Variants in JAKMIP2 observed in about 807,000 individuals in gnomAD.
JAKMIP2 encodes janus kinase and microtubule interacting protein 2, also known as janus kinase and microtubule-interacting protein 2.
In JAKMIP2, 25 loss-of-function variants were observed where a neutral mutation model predicts 115.0. The observed-to-expected ratio is 0.22, with a 90% CI of 0.16 to 0.30. The LOEUF (loss-of-function observed/expected upper bound fraction) is 0.30, where lower values mean the gene tolerates loss of function less well. Among genes scored for constraint, JAKMIP2 ranks in the 10% least tolerant of loss-of-function variants. The pLI is 1.00. For missense variants in JAKMIP2, 642 were observed against 957.6 expected (o/e 0.67, Z 4.35); for synonymous variants, 334 against 343.6 (o/e 0.97, Z 0.31).
Position 147,690,418 on chromosome 5 carries a change from T to C in JAKMIP2, c.-148-18464A>G, listed in dbSNP as rs144168137. 2.2e-4 allele frequency among the ~76,000 whole-genome samples: 33 copies of C among 151,526 alleles called. No individual in the cohort carries two copies. The East Asian group carries it at 6.4e-3, about 29-fold the overall frequency. ...GTCTATAAATTACTATGCAATAGTT[T>C]AAAAACACATAGGAAGATCTACATG... On this transcript the variant is annotated intron_variant, in intron 1 of 21. Transcript: ENST00000616793.
chr5:147,765,859 T>G (rs1175586299), intron 1 of JAKMIP2, among the ~76,000 whole-genome samples: 1 of 152,178 alleles, frequency 6.6e-6, no homozygotes, highest in African/African-American at 2.4e-5. Context: ...ATCTACATTT[T>G]CATTGAATAT....
chr5:147,614,067 G>A (rs938489940), intron 19 of JAKMIP2, among the ~76,000 whole-genome samples: 2 of 152,156 alleles, frequency 1.3e-5, no homozygotes, highest in Non-Finnish European at 2.9e-5. Flanking sequence ...TGCTGGATAT[G>A]GAGGCAAGTA....
At chr5:147,770,927 A>G (rs1268356151) in intron 1 of JAKMIP2, among the ~76,000 whole-genome samples, 1 of 152,090 alleles carries the variant, frequency 6.6e-6, no homozygotes, top group Non-Finnish European at 1.5e-5. Context: ...TAAACACAAA[A>G]TCTCTGAATG....
intron 1 of JAKMIP2, among the ~76,000 whole-genome samples, chr5:147,685,308 G>T (rs1288576965): frequency 6.6e-6 from 1 of 152,152 alleles, no homozygotes; most frequent in Non-Finnish European, 1.5e-5. Flanking sequence ...AAGAATGTAG[G>T]TAACATCAAT....
chr5:147,639,928 A>C (rs996292202), intron 9 of JAKMIP2, among the ~76,000 whole-genome samples, 168 bp from the exon 10 acceptor site: 5 of 152,336 alleles, frequency 3.3e-5, no homozygotes, highest in African/African-American at 1.2e-4. Flanking sequence ...CAAATACTGT[A>C]ATACTTTCAA....
At chr5:147,620,363 C>A (rs1057161745) in intron 18 of JAKMIP2, among the ~76,000 whole-genome samples, 6 of 152,120 alleles carry the variant, frequency 3.9e-5, no homozygotes, top group Non-Finnish European at 7.4e-5. Flanking sequence ...GATCTGCCCA[C>A]CTTGGTTTCC....
At chr5:147,663,691 G>C (rs1353163818) in intron 2 of JAKMIP2, among the ~76,000 whole-genome samples, 1 of 152,160 alleles carries the variant, frequency 6.6e-6, no homozygotes, top group Non-Finnish European at 1.5e-5. Flanking sequence ...TTCTAAGTTT[G>C]CATAGTATTT....
At chr5:147,638,295 T>A (rs902355418) in intron 10 of JAKMIP2, among the ~76,000 whole-genome samples, 2 of 152,180 alleles carry the variant, frequency 1.3e-5, no homozygotes, top group Middle Eastern at 3.4e-3. Flanking sequence ...AAACCTTTAT[T>A]TAGGTAGAAG....
chr5:147,719,951 CT>C (rs762489491), intron 1 of JAKMIP2, among the ~76,000 whole-genome samples: 3 of 152,090 alleles, frequency 2.0e-5, no homozygotes, highest in Non-Finnish European at 4.4e-5. Context: ...TCTTGATGGT[CT>C]TTACATTTTG....
At chr5:147,752,186 G>A (rs17498180) in intron 1 of JAKMIP2, among the ~76,000 whole-genome samples, 16,962 of 152,118 alleles carry the variant, frequency 0.11, 1,170 homozygotes, top group Middle Eastern at 0.19. Flanking sequence ...TGGGGAAGGC[G>A]AATTCCAGGC....
At chr5:147,764,958 G>C (rs796604695) in intron 1 of JAKMIP2, among the ~76,000 whole-genome samples, 1 of 74,458 alleles carries the variant, frequency 1.3e-5, no homozygotes. Context: ...GAGAGAGAGA[G>C]AGAGAGAGGG....
At chr5:147,596,822 G>A (rs1165597458) in intron 21 of JAKMIP2, among the ~76,000 whole-genome samples, 1 of 152,124 alleles carries the variant, frequency 6.6e-6, no homozygotes, top group African/African-American at 2.4e-5. Context: ...ATTCATCTTA[G>A]ACTTTCCTTA....
intron 1 of JAKMIP2, among the ~76,000 whole-genome samples, chr5:147,677,327 A>G (rs572732569): frequency 3.3e-5 from 5 of 152,366 alleles, no homozygotes; most frequent in East Asian, 1.9e-4. Context: ...CGCTGTCTTC[A>G]AGATGCTTAA....
chr5:147,694,970 G>A (rs1198294709), intron 1 of JAKMIP2, among the ~76,000 whole-genome samples: 2 of 152,092 alleles, frequency 1.3e-5, no homozygotes, highest in Admixed American at 1.3e-4. Context: ...TAACTTGGAG[G>A]CACAGGATAA....
At position 147,589,694 on chromosome 5, in the gene JAKMIP2, T is replaced by G. The variant is rs1395458987; in HGVS notation, c.*2013A>C. 2.0e-5 allele frequency: 3 copies of G among 152,216 alleles called. No homozygotes were observed. The highest frequency in any genetic ancestry group is 7.2e-5 in the African/African-American group (3 of 41,466). The allele number at this position is 152,216 out of a possible 1,614,324, so 9.4% of individuals were successfully genotyped here. On this transcript the variant is annotated 3_prime_UTR_variant, in exon 22 of 22. Transcript: ENST00000616793. ...ATAGAAATGACACACTCTTCTATCT[T>G]GTTCAATAGCATGAGATGATCTATT... is the stretch of plus-strand genomic sequence containing the variant.
intron 2 of JAKMIP2, among the ~76,000 whole-genome samples, chr5:147,662,290 CTT>C (rs1469256226): frequency 1.3e-5 from 2 of 152,090 alleles, no homozygotes; most frequent in African/African-American, 4.8e-5. Context: ...ATGAATGTCT[CTT>C]TGAGTCCCTT....
chr5:147,714,929 A>G, intron 1 of JAKMIP2, among the ~76,000 whole-genome samples: 1 of 152,234 alleles, frequency 6.6e-6, no homozygotes. Context: ...TACAGAAAAA[A>G]ATGAGTGAGT....
intron 1 of JAKMIP2, among the ~76,000 whole-genome samples, chr5:147,730,646 G>A (rs1753695245): frequency 6.6e-6 from 1 of 152,064 alleles, no homozygotes; most frequent in Admixed American, 6.6e-5. Flanking sequence ...AGTAGAGACA[G>A]GGTTTCACTA....
intron 1 of JAKMIP2, among the ~76,000 whole-genome samples, chr5:147,734,505 T>TG (rs932001591): frequency 1.6e-4 from 3 of 18,546 alleles, no homozygotes; most frequent in Admixed American, 6.7e-4. Flanking sequence ...TGTTGGAGGG[T>TG]GGGGGGGCTA....
Sources: allele counts gnomAD v4.1 joint callset (sites outside exome capture counted in the v4.1 genomes callset), GRCh38; gene constraint gnomAD v4.1.1; transcripts MANE v1.5; gene names NCBI Gene and HGNC (gene_info 2026-07-23, HGNC 2026-07-21).